CD80: variants seen among roughly 807,000 people sequenced by gnomAD.
CD80 encodes the protein CD80 molecule, also known as T-lymphocyte activation antigen CD80.
In CD80, 13 loss-of-function variants were observed where a neutral mutation model predicts 27.1. That is an observed-to-expected ratio of 0.48 (90% CI 0.31 to 0.76). The LOEUF (loss-of-function observed/expected upper bound fraction) is 0.76, where lower values mean the gene tolerates loss of function less well. Ranked by LOEUF, CD80 falls within the 30% of genes least tolerant of loss-of-function variation. CD80 has a pLI of 0.04. For missense variants in CD80, 277 were observed against 347.9 expected (o/e 0.80, Z 1.62); for synonymous variants, 125 against 125.5 (o/e 1.00, Z 0.03).
At chr3:119,548,906 A>T (rs1445067016) in intron 2 of CD80, among the ~76,000 whole-genome samples, 1 of 152,122 alleles carries the variant, frequency 6.6e-6, no homozygotes, top group Non-Finnish European at 1.5e-5. Flanking sequence ...GCATGTTGGG[A>T]CACACCTGTA....
At chr3:119,529,817 A>G (rs2082099955) in intron 5 of CD80, 25 bp downstream of exon 5, 14 of 1,435,110 alleles carry the variant, frequency 9.8e-6, no homozygotes, top group Non-Finnish European at 1.3e-5. Flanking sequence ...AATTGAGATC[A>G]GGATGATGGT....
chr3:119,537,370 T>C lies in CD80; in HGVS notation c.467A>G (p.Asn156Ser). ...GGTTGAGCAAATTATCCTTCTAATA[T>C]TAGAAGTTGGAATTTCAAAGTCAGA... ...SISDFEIPTS[N>S]IRRIICSTSG... is the part of the protein sequence containing the mutation. The change falls in exon 4 of 7, where the codon AAT becomes AGT. Residue 156 changes from asparagine to serine, a missense_variant. Asn to Ser is a conservative substitution (Grantham distance 46). Transcript: ENST00000264246. 6.2e-7 allele frequency: 1 copy of C among 1,612,792 alleles called. No individual in the cohort carries two copies. Among genetic ancestry groups the C allele is most frequent in the South Asian group, 1.1e-5 (1 of 91,040 alleles).
chr3:119,539,123 T>C (rs919329852), intron 3 of CD80, among the ~76,000 whole-genome samples: 13 of 152,210 alleles, frequency 8.5e-5, no homozygotes, highest in African/African-American at 2.4e-4. Context: ...ATCATTGAAA[T>C]GTATTTGAAT....
intron 2 of CD80, among the ~76,000 whole-genome samples, chr3:119,556,437 G>A (rs541528338): frequency 1.0e-4 from 15 of 148,308 alleles, no homozygotes; most frequent in African/African-American, 3.5e-4. Flanking sequence ...GTACTCCCCA[G>A]AAGACTAGTT....
intron 3 of CD80, among the ~76,000 whole-genome samples, chr3:119,541,810 C>G (rs1395407235): frequency 6.6e-6 from 1 of 152,210 alleles, no homozygotes; most frequent in African/African-American, 2.4e-5. Context: ...TTTGTCCACC[C>G]ACACACCCTC....
At chr3:119,530,104 T>C (rs903588493) in intron 4 of CD80, among the ~76,000 whole-genome samples, 167 bp from the exon 5 acceptor site, 1 of 152,214 alleles carries the variant, frequency 6.6e-6, no homozygotes, top group African/African-American at 2.4e-5. Flanking sequence ...AGGCACATAC[T>C]TGTGGGCAAC....
At chr3:119,531,141 C>A (rs1041209794) in intron 4 of CD80, among the ~76,000 whole-genome samples, 1 of 152,270 alleles carries the variant, frequency 6.6e-6, no homozygotes, top group African/African-American at 2.4e-5. Flanking sequence ...CTTTGCATAG[C>A]ACCATTACAA....
intron 6 of CD80, among the ~76,000 whole-genome samples, chr3:119,526,735 G>A (rs1051156100): frequency 6.6e-6 from 1 of 152,140 alleles, no homozygotes; most frequent in Non-Finnish European, 1.5e-5. Flanking sequence ...TTGTATAAGC[G>A]TCAGGTATTA....
intron 2 of CD80, among the ~76,000 whole-genome samples, chr3:119,549,474 T>C (rs1173573857): frequency 6.6e-6 from 1 of 152,208 alleles, no homozygotes; most frequent in African/African-American, 2.4e-5. Context: ...TGCCCAGTGC[T>C]GTCGTACTGT....
chr3:119,542,010 C>T (rs533505596), intron 3 of CD80, among the ~76,000 whole-genome samples: 2 of 151,954 alleles, frequency 1.3e-5, no homozygotes, highest in Non-Finnish European at 1.5e-5. Flanking sequence ...TAGAGGACTA[C>T]GTACCTAATG....
Position 119,524,991 on chromosome 3 carries a change from G to A in CD80, c.*797C>T, listed in dbSNP as rs138498602. Reference sequence around the variant, plus strand: ...ACAAATGAGGTCAAACTAGCATAAAGCCATTTAAAGAGATTATCAGTCCAA... The same window carrying A: ...ACAAATGAGGTCAAACTAGCATAAAACCATTTAAAGAGATTATCAGTCCAA... On this transcript the variant is annotated 3_prime_UTR_variant, in exon 7 of 7. Transcript: ENST00000264246. 1.6e-4 allele frequency: 24 copies of A among 152,290 alleles called. No individual in the cohort carries two copies. The highest frequency in any genetic ancestry group is 5.8e-4 in the African/African-American group (24 of 41,560). The allele number at this position is 152,290 out of a possible 1,614,324, so 9.4% of individuals were successfully genotyped here. A position where few individuals can be genotyped will look rare whatever the true frequency, so the allele number is the denominator to read the frequency against.
chr3:119,540,996 C>T (rs1192824884), intron 3 of CD80, among the ~76,000 whole-genome samples: 3 of 151,678 alleles, frequency 2.0e-5, no homozygotes, highest in African/African-American at 4.8e-5. Flanking sequence ...TGCAGAGACC[C>T]GAGATCACGC....
chr3:119,541,227 A>G (rs2082167018), intron 3 of CD80, among the ~76,000 whole-genome samples: 1 of 152,072 alleles, frequency 6.6e-6, no homozygotes, highest in Admixed American at 6.6e-5. Context: ...AGTTAACCCA[A>G]TTTTTACCAC....
chr3:119,541,649 A>G (rs995542292), intron 3 of CD80, among the ~76,000 whole-genome samples: 1 of 152,194 alleles, frequency 6.6e-6, no homozygotes, highest in Non-Finnish European at 1.5e-5. Context: ...CCCCAGACCT[A>G]CTGAACTTAA....
chr3:119,544,899 A>G (rs2082191697), intron 2 of CD80, 32 bp from the exon 3 acceptor site: 2 of 1,555,796 alleles, frequency 1.3e-6, no homozygotes, highest in East Asian at 4.5e-5. Flanking sequence ...AAGATTGTAT[A>G]TTTATTAAAT....
chr3:119,556,222 T>C (rs1322612080), intron 2 of CD80, among the ~76,000 whole-genome samples: 1 of 152,204 alleles, frequency 6.6e-6, no homozygotes, highest in East Asian at 1.9e-4. Flanking sequence ...TTCCTAAACA[T>C]CTTTCTTTAG....
Position 119,557,764 on chromosome 3 carries a change from C to T in CD80, c.-36G>A. On this transcript the variant is annotated 5_prime_UTR_variant, in exon 2 of 7. Transcript: ENST00000264246. ...GCTTAGGGTCAAAAGTGAAAGCCAA[C>T]AATTTGGACCCAAGTAAGACCAGGG... is the stretch of plus-strand genomic sequence containing the variant. 1.3e-6 allele frequency: 2 copies of T among 1,516,830 alleles called. No individual in the cohort carries two copies. The highest frequency in any genetic ancestry group is 1.8e-6 in the Non-Finnish European group (2 of 1,101,748). The allele number at this position is 1,516,830 out of a possible 1,614,324, so 94.0% of individuals were successfully genotyped here.
intron 4 of CD80, among the ~76,000 whole-genome samples, chr3:119,532,825 C>A (rs537423664): frequency 6.6e-6 from 1 of 152,166 alleles, no homozygotes; most frequent in East Asian, 1.9e-4. Context: ...GCCTGCAAAC[C>A]GGTCTCTTTG....
At chr3:119,542,458 C>G (rs1453533530) in intron 3 of CD80, among the ~76,000 whole-genome samples, 1 of 152,130 alleles carries the variant, frequency 6.6e-6, no homozygotes, top group Non-Finnish European at 1.5e-5. Flanking sequence ...GTTTGGTTTT[C>G]ACTAGAGGCT....
Sources: gnomAD v4.1 joint callset for allele counts (sites outside exome capture counted in the v4.1 genomes callset) on GRCh38, gnomAD v4.1.1 for gene constraint, MANE v1.5 for transcripts, NCBI Gene and HGNC (gene_info 2026-07-23, HGNC 2026-07-21) for gene names.